Variants in POU2F1 observed in about 807,000 individuals in gnomAD.
The protein encoded by POU2F1 is POU domain, class 2, transcription factor 1.
Under a neutral mutation model 84.9 loss-of-function variants are expected in POU2F1, and 16 were observed. The observed-to-expected ratio is 0.19, with a 90% confidence interval of 0.13 to 0.29. The LOEUF is 0.29. POU2F1 is among the 10% of genes least tolerant of loss of function. The pLI, the probability that POU2F1 is intolerant of heterozygous loss-of-function variation, is 1.00. For synonymous variants in POU2F1, 368 were observed against 368.3 expected (o/e 1.00, Z 0.01); for missense variants, 738 against 942.6 (o/e 0.78, Z 2.84).
intron 6 of POU2F1, among the ~76,000 whole-genome samples, chr1:167,375,141 A>G (rs934758945): frequency 6.6e-6 from 1 of 152,226 alleles, no homozygotes; most frequent in Non-Finnish European, 1.5e-5. Flanking sequence ...AGTAAAATAT[A>G]TGAAGAGTTA....
chr1:167,378,137 T>C (rs749589287), intron 7 of POU2F1, among the ~76,000 whole-genome samples: 5 of 152,266 alleles, frequency 3.3e-5, no homozygotes, highest in Non-Finnish European at 5.9e-5. Flanking sequence ...CTTTCCGCAA[T>C]GGCTTAACTA....
At chr1:167,266,868 T>A (rs1016602349) in intron 1 of POU2F1, among the ~76,000 whole-genome samples, 1 of 152,132 alleles carries the variant, frequency 6.6e-6, no homozygotes, top group Non-Finnish European at 1.5e-5. Flanking sequence ...ATGATCTGCC[T>A]GTCTTGGTCT....
intron 1 of POU2F1, among the ~76,000 whole-genome samples, chr1:167,228,229 G>A (rs1648785698): frequency 6.6e-6 from 1 of 152,182 alleles, no homozygotes; most frequent in South Asian, 2.1e-4. Flanking sequence ...AAAGCTGTTG[G>A]AGGATTTTGA....
chr1:167,318,396 G>T (rs1395162409), intron 1 of POU2F1, among the ~76,000 whole-genome samples: 1 of 152,176 alleles, frequency 6.6e-6, no homozygotes, highest in African/African-American at 2.4e-5. Context: ...ACTGAGAGGT[G>T]CAGTTCAAGC....
intron 8 of POU2F1, 69 bp from the exon 9 acceptor site, chr1:167,389,519 G>T (rs1648232552): frequency 5.8e-6 from 9 of 1,554,280 alleles, no homozygotes; most frequent in Middle Eastern, 1.7e-4. Context: ...TCCTTCAGTT[G>T]TTTACTTGGA....
chr1:167,307,401 G>A (rs375088950), intron 1 of POU2F1, among the ~76,000 whole-genome samples: 95 of 150,774 alleles, frequency 6.3e-4, no homozygotes, highest in African/African-American at 2.3e-3. Flanking sequence ...GGTTTTACCA[G>A]TGTTAATACA....
chr1:167,387,572 G>A (rs1648072910), intron 8 of POU2F1, among the ~76,000 whole-genome samples: 1 of 152,192 alleles, frequency 6.6e-6, no homozygotes, highest in Non-Finnish European at 1.5e-5. Flanking sequence ...AGTTCCTTTG[G>A]AGGAAGCCTT....
chr1:167,417,974 C>G lies in POU2F1; in HGVS notation c.*2164C>G, dbSNP rs938910612. 1.4e-4 allele frequency: 21 copies of G among 152,214 alleles called. No individual in the cohort carries two copies. Among genetic ancestry groups the G allele is most frequent in the African/African-American group, 4.6e-4 (19 of 41,452 alleles). 9.4% of individuals were successfully genotyped at this position (152,214 alleles called of 1,614,324 possible). The stretch of plus-strand genomic sequence containing the variant: ...TTCCTCCTCTTACCCTTCACCTTCC[C>G]TAAAATCCTTCCAAAATCAGTGAAC... On this transcript the variant is annotated 3_prime_UTR_variant, in exon 16 of 16. Coordinates refer to ENST00000367866, the MANE Select transcript of POU2F1 (RefSeq NM_002697.4).
intron 1 of POU2F1, among the ~76,000 whole-genome samples, chr1:167,256,558 A>C (rs573081822): frequency 2.0e-5 from 3 of 152,266 alleles, no homozygotes; most frequent in Non-Finnish European, 4.4e-5. Flanking sequence ...CTTGAGAATA[A>C]CTGAGGTTAA....
chr1:167,401,301 A>C (rs1649189736), intron 12 of POU2F1, 150 bp from the exon 13 acceptor site: 5 of 518,096 alleles, frequency 9.7e-6, no homozygotes, highest in Non-Finnish European at 1.7e-5. Flanking sequence ...GCTATCTGTG[A>C]TATCAGTGAA....
intron 1 of POU2F1, among the ~76,000 whole-genome samples, chr1:167,268,336 G>T (rs1248064783): frequency 2.6e-5 from 4 of 151,928 alleles, no homozygotes; most frequent in Non-Finnish European, 5.9e-5. Context: ...CAAAAAACTG[G>T]CAGTAGAACT....
chr1:167,339,274 G>A (rs541299129), intron 2 of POU2F1, among the ~76,000 whole-genome samples: 32 of 151,958 alleles, frequency 2.1e-4, no homozygotes, highest in Non-Finnish European at 3.2e-4. Flanking sequence ...GAACTTCATT[G>A]GATTTGCAAA....
intron 1 of POU2F1, among the ~76,000 whole-genome samples, chr1:167,227,094 T>G (rs968214897): frequency 1.3e-5 from 2 of 152,194 alleles, no homozygotes; most frequent in African/African-American, 4.8e-5. Flanking sequence ...CCCAGATTTC[T>G]TTTAAACTGC....
chr1:167,359,414 C>T (rs1435083959), intron 2 of POU2F1, among the ~76,000 whole-genome samples: 1 of 152,108 alleles, frequency 6.6e-6, no homozygotes, highest in Non-Finnish European at 1.5e-5. Flanking sequence ...TGTTTAACTC[C>T]CACTTAAATG....
intron 7 of POU2F1, chr1:167,380,918 T>G (rs922670690): frequency 2.0e-5 from 3 of 152,210 alleles, no homozygotes; most frequent in African/African-American, 7.2e-5. Flanking sequence ...ACTGATAGAT[T>G]ACTGGACTTG....
chr1:167,307,154 G>A (rs1571268042), intron 1 of POU2F1, among the ~76,000 whole-genome samples: 1 of 151,990 alleles, frequency 6.6e-6, no homozygotes, highest in Non-Finnish European at 1.5e-5. Context: ...GGGTTGTAAT[G>A]GTTTCAAACT....
At chr1:167,320,847 A>G (rs999092679) in intron 1 of POU2F1, among the ~76,000 whole-genome samples, 2 of 152,206 alleles carry the variant, frequency 1.3e-5, no homozygotes, top group Non-Finnish European at 2.9e-5. Flanking sequence ...GCTGAGGGTT[A>G]GTGAGACTAG....
intron 1 of POU2F1, among the ~76,000 whole-genome samples, chr1:167,283,432 G>A (rs1234974158): frequency 6.6e-6 from 1 of 152,144 alleles, no homozygotes; most frequent in East Asian, 1.9e-4. Flanking sequence ...TCTTGATGTT[G>A]ATGTTACACA....
chr1:167,295,847 A>G (rs940705977), intron 1 of POU2F1, among the ~76,000 whole-genome samples: 2 of 152,132 alleles, frequency 1.3e-5, no homozygotes, highest in Non-Finnish European at 2.9e-5. Context: ...GTCGTTGTAA[A>G]TTTTTTGTTG....
Sources: gnomAD v4.1 joint callset for allele counts (sites outside exome capture counted in the v4.1 genomes callset) on GRCh38, gnomAD v4.1.1 for gene constraint, MANE v1.5 for transcripts, NCBI Gene and HGNC (gene_info 2026-07-23, HGNC 2026-07-21) for gene names.